Variants in GRAMD1C observed in about 807,000 individuals in gnomAD.
GRAMD1C encodes GRAM domain containing 1C, also known as protein Aster-C.
In GRAMD1C, 89 loss-of-function variants were observed where a neutral mutation model predicts 97.8. That is an observed-to-expected ratio of 0.91 (90% CI 0.77 to 1.09). The LOEUF is 1.09. GRAMD1C is among the 50% of genes least tolerant of loss of function. GRAMD1C has a pLI of 0.00. For missense variants in GRAMD1C, 740 were observed against 766.4 expected, an observed-to-expected ratio of 0.97 and a Z score of 0.41; for synonymous variants, 256 against 267.0, an observed-to-expected ratio of 0.96 and a Z score of 0.40.
intron 6 of GRAMD1C, chr3:113,885,921 C>G: frequency 1.9e-6 from 3 of 1,612,756 alleles, no homozygotes; most frequent in Non-Finnish European, 2.5e-6. Context: ...GTTCAGTGAC[C>G]CCAGCGACAC....
intron 10 of GRAMD1C, 29 bp from the exon 11 acceptor site, chr3:113,930,685 C>A: frequency 8.9e-7 from 1 of 1,127,032 alleles, no homozygotes; most frequent in Non-Finnish European, 1.4e-6. Flanking sequence ...GTTTCTAGAA[C>A]TAACTCATTT....
In GRAMD1C at chr3:113,933,436, T is replaced by C. The variant is rs963395358; in HGVS notation, c.1210-75T>C. ...TAATTTTTGAGAAGGAATACTAATA[T>C]ACATGTTCTAAATTGGCAAGAAGAT... On this transcript the variant is annotated intron_variant, in intron 11 of 17. Transcript: ENST00000358160. 11 of 1,013,128 alleles carry C rather than the reference T, an allele frequency of 1.1e-5. No homozygotes were observed. The Admixed American group carries it at 1.7e-4, about 16-fold the overall frequency. 62.8% of individuals were successfully genotyped at this position (1,013,128 alleles called of 1,614,324 possible).
intron 5 of GRAMD1C, among the ~76,000 whole-genome samples, chr3:113,878,397 C>A (rs1935130599): frequency 6.6e-6 from 1 of 152,030 alleles, no homozygotes; most frequent in African/African-American, 2.4e-5. Flanking sequence ...GTCCTAGTTT[C>A]TTTTAGGGGA....
chr3:113,840,193 C>T (rs1709746212), intron 1 of GRAMD1C, among the ~76,000 whole-genome samples: 1 of 152,138 alleles, frequency 6.6e-6, no homozygotes, highest in Admixed American at 6.5e-5. Context: ...GTCTTGAACT[C>T]CTGACCTCAT....
chr3:113,911,691 G>GTTTC (rs1936587783), intron 9 of GRAMD1C, among the ~76,000 whole-genome samples: 3 of 9,514 alleles, frequency 3.2e-4, no homozygotes, highest in African/African-American at 5.7e-4. Context: ...TTCTCTCTCT[G>GTTTC]TTTCTTTCCT....
chr3:113,945,343 T>C, intron 17 of GRAMD1C, 55 bp from the exon 18 acceptor site: 1 of 1,191,894 alleles, frequency 8.4e-7, no homozygotes, highest in Non-Finnish European at 1.2e-6. Context: ...AAACAGAAAT[T>C]TTCAAATCTG....
intron 6 of GRAMD1C, chr3:113,885,211 C>T (rs1303002999): frequency 8.9e-6 from 7 of 787,576 alleles, no homozygotes; most frequent in Non-Finnish European, 1.4e-5. Flanking sequence ...CCCCCGTTCC[C>T]CCTCCCTTCG....
intron 6 of GRAMD1C, among the ~76,000 whole-genome samples, chr3:113,894,144 G>T (rs1406678262): frequency 6.6e-6 from 1 of 151,868 alleles, no homozygotes; most frequent in Non-Finnish European, 1.5e-5. Context: ...TAGTAACAAG[G>T]GTTAAAATTT....
At chr3:113,879,956 A>C (rs969821733) in intron 5 of GRAMD1C, among the ~76,000 whole-genome samples, 3 of 151,840 alleles carry the variant, frequency 2.0e-5, no homozygotes, top group Non-Finnish European at 4.4e-5. Context: ...GGCCGCCCAA[A>C]GTGTCGGGAT....
intron 10 of GRAMD1C, among the ~76,000 whole-genome samples, chr3:113,917,012 T>G (rs950257722): frequency 2.6e-5 from 4 of 152,072 alleles, no homozygotes; most frequent in African/African-American, 7.2e-5. Flanking sequence ...GGTGCACCCC[T>G]GTAGTCTCAG....
In GRAMD1C at chr3:113,890,805, T is replaced by C. The variant is rs1041979771; in HGVS notation, c.540+7973T>C. 4.4e-6 allele frequency: 3 copies of C among 689,512 alleles called. No individual in the cohort carries two copies. In the African/African-American group the frequency reaches 5.3e-5, roughly 12 times the overall value. 42.7% of individuals were successfully genotyped at this position (689,512 alleles called of 1,614,324 possible). ...ATAAAAACAAATATCTCCAGGGAAGTGATAAAGTTCAGGTTTACAGATGAG... is the reference window on the plus strand; with the variant it reads ...ATAAAAACAAATATCTCCAGGGAAGCGATAAAGTTCAGGTTTACAGATGAG... On this transcript the variant is annotated intron_variant, in intron 6 of 17. Transcript: ENST00000358160.
intron 17 of GRAMD1C, among the ~76,000 whole-genome samples, chr3:113,940,614 A>AT (rs1937728458): frequency 1.3e-5 from 2 of 151,816 alleles, no homozygotes; most frequent in African/African-American, 4.8e-5. Flanking sequence ...AGATGTTTCC[A>AT]TATCAGTGTG....
rs186180027 is a variant in GRAMD1C at position 113,894,862 on chromosome 3, T to C, written c.541-6169T>C. ...TTTAAATGTATACAGATATACGCTGTCTAAATTCTGATACATGTTACTCTA... is the reference window on the plus strand; with the variant it reads ...TTTAAATGTATACAGATATACGCTGCCTAAATTCTGATACATGTTACTCTA... On this transcript the variant is annotated intron_variant, in intron 6 of 17. Coordinates refer to ENST00000358160, the MANE Select transcript of GRAMD1C (RefSeq NM_017577.5). 3.4e-4 allele frequency among the ~76,000 whole-genome samples: 52 copies of C among 152,274 alleles called. 3 individuals carry two copies. Among genetic ancestry groups the C allele is most frequent in the South Asian group, 8.3e-4 (4 of 4,826 alleles).
intron 5 of GRAMD1C, among the ~76,000 whole-genome samples, chr3:113,882,147 C>A (rs1935291774): frequency 2.0e-5 from 3 of 152,080 alleles, no homozygotes; most frequent in Non-Finnish European, 2.9e-5. Context: ...TTGCAAAAAT[C>A]AATTAAATAA....
rs78091536 is a variant in GRAMD1C, at chr3:113,884,080, A to G, written c.540+1248A>G. On this transcript the variant is annotated intron_variant, in intron 6 of 17. Transcript: ENST00000358160. Reference sequence around the variant, plus strand: ...AGACAGAAGACCAACAAGGAAATATAAGACTTGAACACCACTATAGACTAA... The same window carrying G: ...AGACAGAAGACCAACAAGGAAATATGAGACTTGAACACCACTATAGACTAA... Among the ~76,000 whole-genome samples, 289 of 152,266 alleles carry G rather than the reference A, an allele frequency of 1.9e-3. 2 individuals are homozygous for G. Among genetic ancestry groups the G allele is most frequent in the African/African-American group, 6.8e-3 (281 of 41,564 alleles).
intron 6 of GRAMD1C, among the ~76,000 whole-genome samples, chr3:113,889,763 C>T (rs1476144671): frequency 2.0e-5 from 3 of 151,948 alleles, no homozygotes; most frequent in African/African-American, 2.4e-5. Context: ...CTCAGCCTCC[C>T]GAGTAGCTGG....
At chr3:113,869,672 A>G in intron 3 of GRAMD1C, 81 bp downstream of exon 3, 1 of 699,092 alleles carries the variant, frequency 1.4e-6, no homozygotes, top group South Asian at 1.7e-5. Flanking sequence ...ATGTAATAAA[A>G]TTTAAGCCTT....
chr3:113,878,345 C>T (rs1935128062), intron 5 of GRAMD1C, among the ~76,000 whole-genome samples: 1 of 152,124 alleles, frequency 6.6e-6, no homozygotes, highest in African/African-American at 2.4e-5. Flanking sequence ...ATGTTTCAGG[C>T]TTTCCCTCCC....
intron 2 of GRAMD1C, among the ~76,000 whole-genome samples, chr3:113,851,802 A>G (rs975769470): frequency 1.3e-5 from 2 of 152,040 alleles, no homozygotes; most frequent in Non-Finnish European, 2.9e-5. Context: ...GCAGGCCTGA[A>G]CCACTGTGCC....
Sources: gnomAD v4.1 joint callset for allele counts (sites outside exome capture counted in the v4.1 genomes callset) on GRCh38, gnomAD v4.1.1 for gene constraint, MANE v1.5 for transcripts, NCBI Gene and HGNC (gene_info 2026-07-23, HGNC 2026-07-21) for gene names.